Variants in GALNT13 observed in about 807,000 individuals in gnomAD.
The protein encoded by GALNT13 is polypeptide N-acetylgalactosaminyltransferase 13.
A neutral mutation model predicts 64.2 loss-of-function variants in GALNT13; 28 were observed. The ratio of observed to expected loss-of-function variants is 0.44; its 90% CI spans 0.32 to 0.60. GALNT13 has a LOEUF of 0.60. Among genes scored for constraint, GALNT13 ranks in the 20% least tolerant of loss-of-function variants. The probability of loss-of-function intolerance (pLI) is 0.05; values close to 1 mark genes in which losing one functional copy is unlikely to be tolerated. For synonymous variants in GALNT13, 214 were observed against 224.6 expected (o/e 0.95, Z 0.42); for missense variants, 577 against 669.8 (o/e 0.86, Z 1.53).
intron 2 of GALNT13, among the ~76,000 whole-genome samples, chr2:153,936,265 C>T (rs764340633): frequency 2.6e-5 from 4 of 152,280 alleles, no homozygotes; most frequent in Admixed American, 2.6e-4. Context: ...TATGAATAAT[C>T]TAGAAATGAC....
the GALNT13 span, among the ~76,000 whole-genome samples, chr2:153,742,078 G>T: frequency 3.9e-5 from 6 of 152,026 alleles, no homozygotes; most frequent in Non-Finnish European, 7.4e-5. Flanking sequence ...AAAAAAAATT[G>T]TTATTCCTCT....
At chr2:153,767,843 G>GATATTAGT in the GALNT13 span, among the ~76,000 whole-genome samples, 2 of 151,626 alleles carry the variant, frequency 1.3e-5, no homozygotes, top group Non-Finnish European at 2.9e-5. Flanking sequence ...GTGGATTCTG[G>GATATTAGT]ATATTAGTTC....
chr2:154,079,115 G>C (rs888616064), intron 3 of GALNT13, among the ~76,000 whole-genome samples: 1 of 151,634 alleles, frequency 6.6e-6, no homozygotes, highest in African/African-American at 2.4e-5. Context: ...TTTGTTGGCA[G>C]CTCTACTGGT....
At chr2:154,173,113 T>A (rs557024922) in intron 4 of GALNT13, among the ~76,000 whole-genome samples, 26 of 152,062 alleles carry the variant, frequency 1.7e-4, no homozygotes, top group South Asian at 1.7e-3. Flanking sequence ...CAGCATGGTA[T>A]TGGCATTAAA....
intron 2 of GALNT13, among the ~76,000 whole-genome samples, chr2:153,931,080 T>C (rs969300236): frequency 6.6e-6 from 1 of 150,922 alleles, no homozygotes; most frequent in Non-Finnish European, 1.5e-5. Context: ...TGTGTGTGTG[T>C]GTGTGTGTGT....
At chr2:153,624,433 A>G in the GALNT13 span, among the ~76,000 whole-genome samples, 2 of 152,106 alleles carry the variant, frequency 1.3e-5, no homozygotes, top group East Asian at 3.9e-4. Context: ...AACAAATGTG[A>G]CATATGTCAC....
chr2:153,257,280 C>G, the GALNT13 span, among the ~76,000 whole-genome samples: 3 of 152,134 alleles, frequency 2.0e-5, no homozygotes, highest in Admixed American at 1.3e-4. Context: ...TTGGGCTTCC[C>G]AAGTGAGGCA....
At chr2:153,475,279 T>G in the GALNT13 span, among the ~76,000 whole-genome samples, 1 of 152,246 alleles carries the variant, frequency 6.6e-6, no homozygotes, top group Non-Finnish European at 1.5e-5. Flanking sequence ...CAGGGCTATG[T>G]GCATTGCAGA....
At chr2:153,915,158 T>C (rs1689243880) in intron 2 of GALNT13, among the ~76,000 whole-genome samples, 1 of 152,150 alleles carries the variant, frequency 6.6e-6, no homozygotes. Context: ...TTCAGCAAGG[T>C]TTGATGGATC....
chr2:153,285,351 T>C, the GALNT13 span, among the ~76,000 whole-genome samples: 1 of 152,166 alleles, frequency 6.6e-6, no homozygotes, highest in Non-Finnish European at 1.5e-5. Flanking sequence ...TAGGTATACA[T>C]ATACATACAT....
chr2:153,416,824 GAGAC>G, the GALNT13 span, among the ~76,000 whole-genome samples: 1 of 152,146 alleles, frequency 6.6e-6, no homozygotes, highest in Non-Finnish European at 1.5e-5. Flanking sequence ...CTTACAGAAG[GAGAC>G]AGACAATTAA....
At chr2:153,979,137 T>C (rs1694280682) in intron 3 of GALNT13, among the ~76,000 whole-genome samples, 1 of 152,118 alleles carries the variant, frequency 6.6e-6, no homozygotes, top group African/African-American at 2.4e-5. Context: ...CTAGGTTACT[T>C]TTATTGTAGC....
the GALNT13 span, among the ~76,000 whole-genome samples, chr2:153,851,916 G>T: frequency 6.6e-6 from 1 of 152,200 alleles, no homozygotes; most frequent in South Asian, 2.1e-4. Flanking sequence ...GGCGGGGAGG[G>T]GAAAACGAAG....
intron 9 of GALNT13, among the ~76,000 whole-genome samples, chr2:154,354,914 A>T (rs1236213271): frequency 6.8e-6 from 1 of 146,994 alleles, no homozygotes; most frequent in Non-Finnish European, 1.5e-5. Flanking sequence ...CTATACATAG[A>T]ATTTCCCATT....
In GALNT13 at chr2:154,381,469, A is replaced by C. The variant is rs79022686; in HGVS notation, c.1157-14522A>C. Among the ~76,000 whole-genome samples, 1,302 of 152,204 alleles carry C rather than the reference A, an allele frequency of 8.6e-3. 21 individuals are homozygous for C. The highest frequency in any genetic ancestry group is 0.03 in the African/African-American group (1,232 of 41,544). On this transcript the variant is annotated intron_variant, in intron 9 of 12. Transcript: ENST00000392825. ...ATACACTTGTAATCTCACATTTGTT[A>C]ATTTTTGTGTGGGCTATCTTATTAA... is the stretch of plus-strand genomic sequence containing the variant.
the GALNT13 span, among the ~76,000 whole-genome samples, chr2:153,524,500 T>C: frequency 6.6e-6 from 1 of 152,076 alleles, no homozygotes; most frequent in Admixed American, 6.5e-5. Flanking sequence ...AAAGAGACAC[T>C]GAAGAGGTAG....
the GALNT13 span, among the ~76,000 whole-genome samples, chr2:153,497,360 C>A: frequency 2.0e-5 from 3 of 151,824 alleles, no homozygotes; most frequent in Non-Finnish European, 4.4e-5. Flanking sequence ...CCTTTATGAG[C>A]CTCTTCTCTA....
intron 4 of GALNT13, among the ~76,000 whole-genome samples, chr2:154,164,117 A>G (rs981120381): frequency 4.6e-5 from 7 of 152,142 alleles, no homozygotes; most frequent in Non-Finnish European, 1.0e-4. Context: ...GTAGGCATCA[A>G]TGTAGGCATA....
In GALNT13 at chr2:154,451,405, AGT is replaced by A. The variant is rs1701866792; in HGVS notation, c.*856_*857del. The A allele has an allele frequency of 6.6e-6, 1 of 152,080 alleles. No individual in the cohort carries two copies. Among genetic ancestry groups the A allele is most frequent in the Admixed American group, 6.6e-5 (1 of 15,220 alleles). The allele number at this position is 152,080 out of a possible 1,614,324, so 9.4% of individuals were successfully genotyped here. ...TCCCTTTTCTCTTCACTCTATAGAC[AGT>A]GGCATGCCATTGATGCTGTACAGAA... is the stretch of plus-strand genomic sequence containing the variant. On this transcript the variant is annotated 3_prime_UTR_variant, in exon 13 of 13. Coordinates refer to ENST00000392825, the MANE Select transcript of GALNT13 (RefSeq NM_052917.4).
Sources: gnomAD v4.1 joint callset for allele counts (sites outside exome capture counted in the v4.1 genomes callset) on GRCh38, gnomAD v4.1.1 for gene constraint, MANE v1.5 for transcripts, NCBI Gene and HGNC (gene_info 2026-07-23, HGNC 2026-07-21) for gene names.